Variants in SLC6A11 observed in about 807,000 individuals in gnomAD.
The protein encoded by SLC6A11 is sodium- and chloride-dependent GABA transporter 3.
SLC6A11 carries 25 observed loss-of-function variants against 74.8 expected under a neutral mutation model. That is an observed-to-expected ratio of 0.33 (90% CI 0.24 to 0.47). The LOEUF (loss-of-function observed/expected upper bound fraction) is 0.47. Among genes scored for constraint, SLC6A11 ranks in the 20% least tolerant of loss-of-function variants. The probability of loss-of-function intolerance (pLI) is 1.00; values close to 1 mark genes in which losing one functional copy is unlikely to be tolerated. For synonymous variants in SLC6A11, 330 were observed against 330.2 expected (o/e 1.00, Z 0.01); for missense variants, 574 against 837.0 (o/e 0.69, Z 3.88).
rs1259356694 is a variant in SLC6A11, at chr3:10,926,278, A to T, written c.1233+162A>T. Among the ~76,000 whole-genome samples, 1 of 137,960 alleles carries T rather than the reference A, an allele frequency of 7.2e-6. No homozygotes were observed. The highest frequency in any genetic ancestry group is 2.2e-4 in the East Asian group (1 of 4,600). 90.5% of individuals were successfully genotyped at this position (137,960 alleles called of 152,430 possible). On this transcript the variant is annotated intron_variant, in intron 9 of 13. Transcript: ENST00000254488. The surrounding 1 kb of genome is among the most constrained non-coding windows in gnomAD (Gnocchi z 5.7). Reference sequence around the variant, plus strand: ...CCATTCCACCCTCCACTTCCCTCCCAGCAACTCTTGCACCCCCGCCATCCA... The same window carrying T: ...CCATTCCACCCTCCACTTCCCTCCCTGCAACTCTTGCACCCCCGCCATCCA...
intron 4 of SLC6A11, among the ~76,000 whole-genome samples, chr3:10,833,101 G>T (rs112741503): frequency 6.6e-6 from 1 of 151,940 alleles, no homozygotes; most frequent in Admixed American, 6.6e-5. Flanking sequence ...CGCTCTTGTC[G>T]CCCAGGCTGG....
intron 4 of SLC6A11, among the ~76,000 whole-genome samples, chr3:10,838,820 T>C (rs1341120101): frequency 6.6e-6 from 1 of 152,168 alleles, no homozygotes; most frequent in Non-Finnish European, 1.5e-5. Context: ...GAAATGGGTA[T>C]AATCATGCCC....
intron 6 of SLC6A11, among the ~76,000 whole-genome samples, chr3:10,900,969 G>A (rs1272730670): frequency 6.6e-6 from 1 of 152,136 alleles, no homozygotes; most frequent in Non-Finnish European, 1.5e-5. Flanking sequence ...AGAATGAATG[G>A]GAAACTTCTA....
intron 5 of SLC6A11, among the ~76,000 whole-genome samples, chr3:10,855,930 T>C (rs1343985604): frequency 1.3e-5 from 2 of 152,328 alleles, no homozygotes; most frequent in East Asian, 3.9e-4. Flanking sequence ...TGGGAACCCA[T>C]TGCATGCCAG....
At chr3:10,919,438 C>A (rs1366033165) in intron 8 of SLC6A11, among the ~76,000 whole-genome samples, 1 of 152,180 alleles carries the variant, frequency 6.6e-6, no homozygotes, top group Non-Finnish European at 1.5e-5. Flanking sequence ...CAAGGCCAGT[C>A]CTGCCCCAAC....
chr3:10,905,671 T>C (rs1215278287), intron 6 of SLC6A11, among the ~76,000 whole-genome samples: 4 of 152,342 alleles, frequency 2.6e-5, no homozygotes, highest in African/African-American at 9.6e-5. Flanking sequence ...CCATGTTGCA[T>C]TTTCACAACC....
intron 13 of SLC6A11, 139 bp downstream of exon 13, chr3:10,935,338 A>C (rs1049684321): frequency 5.5e-6 from 4 of 723,242 alleles, no homozygotes; most frequent in African/African-American, 3.5e-5. Flanking sequence ...CTCTCTGGCC[A>C]ATGTTCAGTA....
At chr3:10,856,621 C>T (rs772277413) in intron 5 of SLC6A11, among the ~76,000 whole-genome samples, 1 of 152,204 alleles carries the variant, frequency 6.6e-6, no homozygotes, top group Non-Finnish European at 1.5e-5. Context: ...TGCGTTTCCC[C>T]CTGGTACCCA....
chr3:10,938,658 T>G lies in SLC6A11; in HGVS notation c.*256T>G. 1 of 339,638 alleles carries G rather than the reference T, an allele frequency of 2.9e-6. No individual in the cohort carries two copies. The highest frequency in any genetic ancestry group is 5.3e-6 in the Non-Finnish European group (1 of 188,116). The allele number at this position is 339,638 out of a possible 1,614,324, so 21.0% of individuals were successfully genotyped here. On this transcript the variant is annotated 3_prime_UTR_variant, in exon 14 of 14. Transcript: ENST00000254488. ...GCCAGATCTTCTGTCCTAGGGCAGT[T>G]TTAATCAATGTTTTCTAGGGATTAG...
intron 5 of SLC6A11, among the ~76,000 whole-genome samples, chr3:10,870,262 C>T (rs1206790650): frequency 6.6e-6 from 1 of 152,184 alleles, no homozygotes; most frequent in Non-Finnish European, 1.5e-5. Context: ...TTCCTAGATG[C>T]TCATGTGCAT....
chr3:10,928,876 A>G (rs907655164), intron 9 of SLC6A11, among the ~76,000 whole-genome samples: 2 of 152,180 alleles, frequency 1.3e-5, no homozygotes, highest in Non-Finnish European at 2.9e-5. Context: ...GCATGTAGGC[A>G]TGTGACAGGC....
chr3:10,896,805 C>T (rs1326879699), intron 6 of SLC6A11, among the ~76,000 whole-genome samples: 1 of 152,152 alleles, frequency 6.6e-6, no homozygotes, highest in Non-Finnish European at 1.5e-5. Context: ...GGGCATAGAC[C>T]CACTAACATT....
At chr3:10,891,189 G>A (rs1208448811) in intron 6 of SLC6A11, among the ~76,000 whole-genome samples, 1 of 152,086 alleles carries the variant, frequency 6.6e-6, no homozygotes, top group Non-Finnish European at 1.5e-5. Context: ...CTCAACTTCA[G>A]TTTTGACTTC....
chr3:10,818,309 G>T (rs1694091393), intron 1 of SLC6A11, among the ~76,000 whole-genome samples: 1 of 152,152 alleles, frequency 6.6e-6, no homozygotes, highest in Non-Finnish European at 1.5e-5. Context: ...GGGACCTGCT[G>T]CAGCTGATTT....
intron 6 of SLC6A11, among the ~76,000 whole-genome samples, chr3:10,884,249 GGGTACTCAT>G (rs1695016250): frequency 6.6e-6 from 1 of 152,150 alleles, no homozygotes; most frequent in African/African-American, 2.4e-5. Context: ...AACGCTGCTT[GGGTACTCAT>G]AAAACTACTG....
chr3:10,930,200 C>G (rs1009690197), intron 10 of SLC6A11, among the ~76,000 whole-genome samples: 2 of 152,174 alleles, frequency 1.3e-5, no homozygotes, highest in Non-Finnish European at 2.9e-5. Context: ...CATATGCTGC[C>G]TCCTCCTGGA....
At chr3:10,896,814 T>G (rs1695176912) in intron 6 of SLC6A11, among the ~76,000 whole-genome samples, 1 of 152,202 alleles carries the variant, frequency 6.6e-6, no homozygotes, top group Non-Finnish European at 1.5e-5. Context: ...CCCACTAACA[T>G]TAAGCTTCTT....
At chr3:10,854,357 C>G (rs772703347) in intron 5 of SLC6A11, among the ~76,000 whole-genome samples, 17 of 152,136 alleles carry the variant, frequency 1.1e-4, no homozygotes, top group Non-Finnish European at 2.4e-4. Flanking sequence ...CCACTGCACT[C>G]CAGCCTGGGC....
chr3:10,921,645 T>G (rs369259709), intron 8 of SLC6A11, among the ~76,000 whole-genome samples: 2 of 152,138 alleles, frequency 1.3e-5, no homozygotes, highest in African/African-American at 4.8e-5. Flanking sequence ...CATATTCTTA[T>G]ATTAAATTTA....
Sources: gnomAD v4.1 joint callset for allele counts (sites outside exome capture counted in the v4.1 genomes callset) on GRCh38, gnomAD v4.1.1 for gene constraint, Gnocchi (gnomAD v3.1) non-coding constraint, MANE v1.5 for transcripts, NCBI Gene and HGNC (gene_info 2026-07-23, HGNC 2026-07-21) for gene names.